The following SLC39A11 variants were observed in gnomAD, a reference collection of about 807,000 sequenced individuals.
SLC39A11 encodes zinc transporter ZIP11.
Under a neutral mutation model 36.1 loss-of-function variants are expected in SLC39A11, and 33 were observed. The ratio of observed to expected loss-of-function variants is 0.91; its 90% CI spans 0.69 to 1.22. SLC39A11 has a LOEUF of 1.22. SLC39A11 is among the 50% of genes most tolerant of loss of function. SLC39A11 has a pLI of 0.00. For missense variants in SLC39A11, 432 were observed against 430.3 expected, an observed-to-expected ratio of 1.00 and a Z score of -0.03; for synonymous variants, 166 against 170.3, an observed-to-expected ratio of 0.97 and a Z score of 0.20.
At chr17:72,843,396 G>T (rs559308135) in intron 6 of SLC39A11, among the ~76,000 whole-genome samples, 23 of 152,294 alleles carry the variant, frequency 1.5e-4, no homozygotes, top group African/African-American at 5.5e-4. Flanking sequence ...ATCCCCAATG[G>T]TATTGTTATT....
intron 6 of SLC39A11, among the ~76,000 whole-genome samples, chr17:72,797,275 C>T (rs2076927962): frequency 6.6e-6 from 1 of 152,082 alleles, no homozygotes; most frequent in African/African-American, 2.4e-5. Flanking sequence ...TGAGGAATGC[C>T]AACCCATCTA....
chr17:72,825,117 A>C (rs1292346403), intron 6 of SLC39A11, among the ~76,000 whole-genome samples: 1 of 144,978 alleles, frequency 6.9e-6, no homozygotes, highest in South Asian at 2.2e-4. Flanking sequence ...AGCCCCTTCC[A>C]TCATAGGCCT....
intron 4 of SLC39A11, among the ~76,000 whole-genome samples, chr17:72,999,337 G>T (rs1193666390): frequency 6.6e-6 from 1 of 152,104 alleles, no homozygotes; most frequent in African/African-American, 2.4e-5. Context: ...AATAATATTT[G>T]ATCCTTCCAC....
chr17:72,730,306 C>G (rs952160252), intron 7 of SLC39A11, among the ~76,000 whole-genome samples: 1 of 152,182 alleles, frequency 6.6e-6, no homozygotes, highest in Admixed American at 6.5e-5. Flanking sequence ...TACATTACTT[C>G]CCCTTTCCTT....
chr17:72,991,776 A>G (rs930137651), intron 4 of SLC39A11, among the ~76,000 whole-genome samples: 7 of 152,244 alleles, frequency 4.6e-5, no homozygotes, highest in Non-Finnish European at 1.0e-4. Context: ...TTTCACCATT[A>G]CAAGAAATGC....
rs558045291 is a variant in SLC39A11, at chr17:73,046,946, G to T, written c.148-15232C>A. On this transcript the variant is annotated intron_variant, in intron 3 of 9. Coordinates refer to ENST00000255559, the MANE Select transcript of SLC39A11 (RefSeq NM_139177.4). ...ACAGAGTGTGACCCAGTCTCAAAAA[G>T]ACAAAAACAAAAAATAAAAAACGAA... Among the ~76,000 whole-genome samples the T allele has an allele frequency of 2.3e-3, 340 of 150,318 alleles. 2 individuals carry two copies. Among genetic ancestry groups the T allele is most frequent in the African/African-American group, 7.9e-3 (323 of 41,016 alleles).
At chr17:73,044,395 T>C (rs1393337940) in intron 3 of SLC39A11, among the ~76,000 whole-genome samples, 2 of 152,220 alleles carry the variant, frequency 1.3e-5, no homozygotes, top group East Asian at 3.8e-4. Context: ...CATGCCGACA[T>C]TGGATGAATC....
At chr17:73,054,049 G>C (rs1240069855) in intron 3 of SLC39A11, among the ~76,000 whole-genome samples, 1 of 152,074 alleles carries the variant, frequency 6.6e-6, no homozygotes, top group Admixed American at 6.6e-5. Flanking sequence ...GCTGAGCTGA[G>C]AGGCAGCCAA....
At chr17:72,655,126 G>A (rs887258006) in intron 7 of SLC39A11, among the ~76,000 whole-genome samples, 2 of 152,224 alleles carry the variant, frequency 1.3e-5, no homozygotes, top group Non-Finnish European at 2.9e-5. Context: ...GACACTCCTG[G>A]GCTCCTTTGC....
At chr17:72,882,353 C>T (rs2081235407) in intron 5 of SLC39A11, among the ~76,000 whole-genome samples, 2 of 120,382 alleles carry the variant, frequency 1.7e-5, no homozygotes, top group Non-Finnish European at 1.6e-5. Context: ...GTACATATTC[C>T]TATATCTAAA....
chr17:72,868,645 A>T (rs938381450), intron 5 of SLC39A11, among the ~76,000 whole-genome samples: 58 of 149,860 alleles, frequency 3.9e-4, no homozygotes, highest in Non-Finnish European at 6.7e-4. Context: ...AAAAAAAAAA[A>T]AAAAGAAAGA....
chr17:72,898,397 G>A (rs2082139500), intron 5 of SLC39A11, among the ~76,000 whole-genome samples: 1 of 152,184 alleles, frequency 6.6e-6, no homozygotes, highest in Non-Finnish European at 1.5e-5. Flanking sequence ...ATGTATTGTT[G>A]ACCATGTTAG....
At chr17:72,802,590 CAAA>C (rs56050103) in intron 6 of SLC39A11, among the ~76,000 whole-genome samples, 7 of 112,752 alleles carry the variant, frequency 6.2e-5, no homozygotes, top group Non-Finnish European at 1.7e-5. Flanking sequence ...AACTCCATCT[CAAA>C]AAAAAAAAAA....
At chr17:72,650,131 CTGGGCTCAGCTTCTCCG>C (rs1200821765) in intron 7 of SLC39A11, among the ~76,000 whole-genome samples, 1 of 152,220 alleles carries the variant, frequency 6.6e-6, no homozygotes, top group Non-Finnish European at 1.5e-5. Context: ...AGATCTGGCT[CTGGGCTCAGCTTCTCCG>C]TGGGCTCTGC....
At chr17:72,889,656 G>A (rs545588912) in intron 5 of SLC39A11, among the ~76,000 whole-genome samples, 30 of 152,198 alleles carry the variant, frequency 2.0e-4, no homozygotes, top group African/African-American at 7.0e-4. Flanking sequence ...CACAAGAAAC[G>A]CTTCTTGACT....
intron 5 of SLC39A11, among the ~76,000 whole-genome samples, chr17:72,909,848 C>T (rs1206200936): frequency 6.6e-6 from 1 of 151,798 alleles, no homozygotes; most frequent in Non-Finnish European, 1.5e-5. Context: ...CGCGTTCACG[C>T]CATTCTCCTG....
At chr17:73,038,524 C>T (rs1225945061) in intron 3 of SLC39A11, among the ~76,000 whole-genome samples, 7 of 145,236 alleles carry the variant, frequency 4.8e-5, no homozygotes, top group South Asian at 2.2e-4. Context: ...CATGGTGAAA[C>T]GCTTTCTCTA....
chr17:72,971,060 C>T (rs2087413059), intron 4 of SLC39A11, among the ~76,000 whole-genome samples: 1 of 152,200 alleles, frequency 6.6e-6, no homozygotes, highest in Non-Finnish European at 1.5e-5. Context: ...ACTGTCCTGC[C>T]TCTGAATCAC....
chr17:73,006,294 C>T (rs1259182290), intron 4 of SLC39A11, among the ~76,000 whole-genome samples: 1 of 152,184 alleles, frequency 6.6e-6, no homozygotes, highest in East Asian at 1.9e-4. Context: ...ATACATCCAA[C>T]ATGAGAACAC....
Sources: allele counts gnomAD v4.1 joint callset (sites outside exome capture counted in the v4.1 genomes callset), GRCh38; gene constraint gnomAD v4.1.1; transcripts MANE v1.5; gene names NCBI Gene and HGNC (gene_info 2026-07-23, HGNC 2026-07-21).